The following RNF213 variants were observed in gnomAD, a reference collection of about 807,000 sequenced individuals.
RNF213 encodes ring finger protein 213, also known as E3 ubiquitin-protein ligase RNF213.
Under a neutral mutation model 514.4 loss-of-function variants are expected in RNF213, and 341 were observed. That is an observed-to-expected ratio of 0.66 (90% CI 0.61 to 0.73). The LOEUF (loss-of-function observed/expected upper bound fraction) is 0.73. Ranked by LOEUF, RNF213 falls within the 30% of genes least tolerant of loss-of-function variation. The pLI is 0.00. For synonymous variants in RNF213, 2,655 were observed against 2,658.2 expected, an observed-to-expected ratio of 1.00 and a Z score of 0.04; for missense variants, 5,767 against 6,615.6, an observed-to-expected ratio of 0.87 and a Z score of 4.45.
rs1355802534 is a variant in RNF213, at chr17:80,290,454, A to C, written c.1113-116A>C. 4 of 1,229,032 alleles carry C rather than the reference A, an allele frequency of 3.3e-6. No individual in the cohort carries two copies. In the African/African-American group the frequency reaches 4.9e-5, roughly 15 times the overall value. The allele number at this position is 1,229,032 out of a possible 1,614,324, so 76.1% of individuals were successfully genotyped here. On this transcript the variant is annotated intron_variant, in intron 6 of 67. Coordinates refer to ENST00000582970, the MANE Select transcript of RNF213 (RefSeq NM_001256071.3). ...GCGCGTGTGTGCATGTGTGTGTGCGAGTGCATGTGTGTGTGCACGTGTGTG... is the reference window on the plus strand; with the variant it reads ...GCGCGTGTGTGCATGTGTGTGTGCGCGTGCATGTGTGTGTGCACGTGTGTG...
intron 3 of RNF213, among the ~76,000 whole-genome samples, chr17:80,285,086 A>G (rs1434279144): frequency 6.6e-6 from 1 of 152,110 alleles, no homozygotes; most frequent in Non-Finnish European, 1.5e-5. Flanking sequence ...GGCCACAAAC[A>G]CCTGCTGTGT....
intron 64 of RNF213, 159 bp from the exon 65 acceptor site, chr17:80,389,014 C>T: frequency 1.4e-6 from 1 of 692,392 alleles, no homozygotes; most frequent in Non-Finnish European, 2.5e-6. Flanking sequence ...TCCATGGCCT[C>T]CAGGAACTGC....
At chr17:80,393,293 AG>A in intron 67 of RNF213, 51 bp from the exon 68 acceptor site, 1 of 1,559,162 alleles carries the variant, frequency 6.4e-7, no homozygotes, top group South Asian at 1.1e-5. Context: ...TACACACGTG[AG>A]CCACCATGCT....
In RNF213 at chr17:80,264,679, C is replaced by G. The variant is rs531835907; in HGVS notation, c.97+901C>G. 1.9e-4 allele frequency among the ~76,000 whole-genome samples: 29 copies of G among 152,242 alleles called. No individual in the cohort carries two copies. Among genetic ancestry groups the G allele is most frequent in the Admixed American group, 5.9e-4 (9 of 15,278 alleles). On this transcript the variant is annotated intron_variant, in intron 2 of 67. Transcript: ENST00000582970. The surrounding 1 kb of genome is among the most constrained non-coding windows in gnomAD (Gnocchi z 5.0). Reference sequence around the variant, plus strand: ...GGTCTCCCCGCCTCCACGCTGCATGCTGCCTTCCTGCTTCCTGCTCAGCAC... The same window carrying G: ...GGTCTCCCCGCCTCCACGCTGCATGGTGCCTTCCTGCTTCCTGCTCAGCAC...
chr17:80,278,957 A>G lies in RNF213; in HGVS notation c.261+5553A>G, dbSNP rs1438407779. ...GGCAGAATGCTCCCTGCCCTGGTGC[A>G]TGCTGGCACAGCCTGGCACGGCCAC... On this transcript the variant is annotated intron_variant, in intron 3 of 67. Transcript: ENST00000582970. 4 of 1,532,686 alleles carry G rather than the reference A, an allele frequency of 2.6e-6. No homozygotes were observed. The East Asian group carries it at 9.8e-5, about 38-fold the overall frequency. The allele number at this position is 1,532,686 out of a possible 1,614,324, so 94.9% of individuals were successfully genotyped here.
At chr17:80,312,954 G>T in intron 14 of RNF213, 58 bp from the exon 15 acceptor site, 1 of 1,604,212 alleles carries the variant, frequency 6.2e-7, no homozygotes, top group South Asian at 1.1e-5. Context: ...GCAGCATCTC[G>T]CCGGGAACCT....
chr17:80,357,550 T>C (rs2078878999), intron 36 of RNF213, among the ~76,000 whole-genome samples: 1 of 152,266 alleles, frequency 6.6e-6, no homozygotes, highest in East Asian at 1.9e-4. Flanking sequence ...ATCTGTATTA[T>C]AGTCTATCTA....
chr17:80,276,774 C>T (rs1253336851), intron 3 of RNF213, among the ~76,000 whole-genome samples: 4 of 152,108 alleles, frequency 2.6e-5, no homozygotes, highest in African/African-American at 4.8e-5. Flanking sequence ...TATCCTAGGC[C>T]GGGCGCGGTG....
In RNF213 at chr17:80,319,320, A is replaced by G. The variant is rs546986538; in HGVS notation, c.3024+8A>G. On this transcript the variant is annotated splice_region_variant and intron_variant, in intron 17 of 67. Transcript: ENST00000582970. ...GTGAGCTCAGCCTGCCAGGTGAACAATCTCTCCTCCTGGGAAACGGATTCG... is the reference window on the plus strand; with the variant it reads ...GTGAGCTCAGCCTGCCAGGTGAACAGTCTCTCCTCCTGGGAAACGGATTCG... 2.0e-5 allele frequency: 33 copies of G among 1,614,184 alleles called. No individual in the cohort carries two copies. The highest frequency in any genetic ancestry group is 1.3e-4 in the Admixed American group (8 of 60,014).
Position 80,348,247 on chromosome 17 carries a change from G to A in RNF213, c.9912G>A (p.Leu3304=), listed in dbSNP as rs751376931. 2 of 1,613,922 alleles carry A rather than the reference G, an allele frequency of 1.2e-6. No individual in the cohort carries two copies. The highest frequency in any genetic ancestry group is 1.1e-5 in the South Asian group (1 of 91,086). The change falls in exon 29 of 68, where the codon CTG becomes CTA. Residue 3304 remains leucine, a synonymous_variant. Coordinates refer to ENST00000582970, the MANE Select transcript of RNF213 (RefSeq NM_001256071.3). ...NSFADFLQAH[L]HTADLERHAI... ...TTGCAGATTTCCTTCAGGCACACCT[G>A]CACACGGCAGACCTGGAGCGCCACG...
chr17:80,374,458 G>A lies in RNF213; in HGVS notation c.12943G>A (p.Gly4315Arg). 3.1e-6 allele frequency: 5 copies of A among 1,614,122 alleles called. No homozygotes were observed. Among genetic ancestry groups the A allele is most frequent in the Non-Finnish European group, 4.2e-6 (5 of 1,180,016 alleles). Residue 4315 changes from glycine to arginine, a missense_variant and splice_region_variant, in exon 50 of 68, where the codon GGG becomes AGG. Around this residue, in one of 13 missense-constraint regions of RNF213, gnomAD observed 1,245 missense variants for 1,339.0 expected, o/e 0.93. Transcript: ENST00000582970. ...CCCCCAACTAACCTCTGTATTCCAG[G>A]GGCTGCGGCAGGACCACCCAGGCCA... is the stretch of plus-strand genomic sequence containing the variant. ...VFPKDVVKQQ[G>R]LRQDHPGQMD...
rs530306724 is a variant in RNF213, at chr17:80,369,576, G to C, written c.12230G>C (p.Cys4077Ser). The stretch of plus-strand genomic sequence containing the variant: ...TTCGTAGACCTGGTGTCCACCATTT[G>C]CTTCAAGGACAACGCTCCGCCTGAG... ...SFFVDLVSTI[C>S]FKDNAPPEKE... Residue 4077 changes from cysteine to serine, a missense_variant, in exon 45 of 68, where the codon TGC becomes TCC. By Grantham distance (112) the Cys-to-Ser change is moderately radical (BLOSUM62 -1). This residue lies in a region of RNF213 where 93 missense variants were observed against 95.6 expected (regional missense o/e 0.97). Coordinates refer to ENST00000582970, the MANE Select transcript of RNF213 (RefSeq NM_001256071.3). 2.5e-6 allele frequency: 4 copies of C among 1,614,230 alleles called. No homozygotes were observed. The African/African-American group carries it at 5.3e-5, about 22-fold the overall frequency.
chr17:80,345,866 CCTCTGGCTGAGGA>C lies in RNF213; in HGVS notation c.7539_7551del (p.Glu2514CysfsTer4). 6.2e-7 allele frequency: 1 copy of C among 1,614,174 alleles called. No individual in the cohort carries two copies. The highest frequency in any genetic ancestry group is 8.5e-7 in the Non-Finnish European group (1 of 1,180,046). ...GTGTGATCATATGGTGGATGGCCAG[CCTCTGGCTGAGGA>C]CTCTGGCCTGCATATTATAGCTGCC... On this transcript the variant is annotated frameshift_variant, in exon 29 of 68. Coordinates refer to ENST00000582970, the MANE Select transcript of RNF213 (RefSeq NM_001256071.3). LOFTEE classifies it high-confidence loss of function. The surrounding 1 kb of genome is among the most constrained non-coding windows in gnomAD (Gnocchi z 6.0).
intron 17 of RNF213, among the ~76,000 whole-genome samples, chr17:80,322,145 T>TG (rs2046157111): frequency 2.3e-5 from 2 of 88,688 alleles, no homozygotes; most frequent in Non-Finnish European, 2.1e-5. Flanking sequence ...TTGCCCCTCA[T>TG]CCCCCCCACC....
At chr17:80,389,664 G>A (rs1212291978) in intron 65 of RNF213, among the ~76,000 whole-genome samples, 164 bp from the exon 66 acceptor site, 1 of 152,216 alleles carries the variant, frequency 6.6e-6, no homozygotes, top group East Asian at 1.9e-4. Flanking sequence ...GAGGGAACTG[G>A]TAGATAGGAC....
chr17:80,275,223 C>T (rs2044011740), intron 3 of RNF213, among the ~76,000 whole-genome samples: 1 of 150,948 alleles, frequency 6.6e-6, no homozygotes, highest in South Asian at 2.1e-4. Flanking sequence ...GTGCTTGTGT[C>T]ATTCCCTTGG....
chr17:80,363,895 A>C, intron 41 of RNF213, 105 bp downstream of exon 41: 1 of 1,108,964 alleles, frequency 9.0e-7, no homozygotes, highest in Non-Finnish European at 1.3e-6. Flanking sequence ...TGCTCCTGCC[A>C]TGGGAGGGGC....
chr17:80,265,889 G>C (rs1277063507), intron 2 of RNF213, among the ~76,000 whole-genome samples: 2 of 152,036 alleles, frequency 1.3e-5, no homozygotes, highest in African/African-American at 4.8e-5. Context: ...GGGCAATGTA[G>C]AAAGACTCCA....
At position 80,381,271 on chromosome 17, in the gene RNF213, G is replaced by A. The variant is rs569145854; in HGVS notation, c.13798-276G>A. 3.1e-4 allele frequency: 187 copies of A among 594,698 alleles called. 1 individual carries two copies. Among genetic ancestry groups the A allele is most frequent in the South Asian group, 5.7e-4 (29 of 50,918 alleles). 36.8% of individuals were successfully genotyped at this position (594,698 alleles called of 1,614,324 possible). On this transcript the variant is annotated intron_variant, in intron 56 of 67. Coordinates refer to ENST00000582970, the MANE Select transcript of RNF213 (RefSeq NM_001256071.3). ...GGCTGACATCTTCATTATTTTACCT[G>A]TGTCTTCATTGTAGCTAGGGAAGAA...
Sources: allele counts gnomAD v4.1 joint callset (sites outside exome capture counted in the v4.1 genomes callset), GRCh38; gene constraint gnomAD v4.1.1; regional missense constraint gnomAD v4.1.1; non-coding constraint Gnocchi (gnomAD v3.1); transcripts MANE v1.5; gene names NCBI Gene and HGNC (gene_info 2026-07-23, HGNC 2026-07-21).